The following TECPR1 variants were observed in gnomAD, a reference collection of about 807,000 sequenced individuals.
TECPR1 encodes tectonin beta-propeller repeat-containing protein 1.
In TECPR1, 122 loss-of-function variants were observed where a neutral mutation model predicts 162.4. That is an observed-to-expected ratio of 0.75 (90% CI 0.65 to 0.87). The LOEUF (loss-of-function observed/expected upper bound fraction) is 0.87. Ranked by LOEUF, TECPR1 falls within the 40% of genes least tolerant of loss-of-function variation. The pLI, the probability that TECPR1 is intolerant of heterozygous loss-of-function variation, is 0.00. For synonymous variants in TECPR1, 642 were observed against 670.6 expected (o/e 0.96, Z 0.66); for missense variants, 1,432 against 1,618.2 (o/e 0.88, Z 1.97).
At chr7:98,227,401 AAAAAG>A (rs1798304619) in intron 17 of TECPR1, among the ~76,000 whole-genome samples, 1 of 151,754 alleles carries the variant, frequency 6.6e-6, no homozygotes, top group African/African-American at 2.4e-5. Flanking sequence ...CAAAAAAAAA[AAAAAG>A]AAAAAGAAAA....
intron 16 of TECPR1, 109 bp downstream of exon 16, chr7:98,228,930 C>T (rs117093858): frequency 1.7e-5 from 24 of 1,419,506 alleles, no homozygotes; most frequent in Middle Eastern, 2.6e-4. Context: ...AGCTGTTAGC[C>T]GAGTGTGAAC....
chr7:98,233,239 C>T lies in TECPR1; in HGVS notation c.1672+182G>A, dbSNP rs150116420. ...CCGTGCTTCCAGGTCCTGACAGCCT[C>T]GGGCTGGTCTCTGGAGGCCACAGAG... On this transcript the variant is annotated intron_variant, in intron 11 of 25. Transcript: ENST00000447648. 8.3e-4 allele frequency: 769 copies of T among 921,824 alleles called. 3 individuals carry two copies. The African/African-American group carries it at 0.011, about 14-fold the overall frequency. The allele number at this position is 921,824 out of a possible 1,614,324, so 57.1% of individuals were successfully genotyped here.
chr7:98,236,905 C>CCG lies in TECPR1; in HGVS notation c.1051_1052insCG (p.Cys351SerfsTer54). On this transcript the variant is annotated frameshift_variant, in exon 10 of 26. Transcript: ENST00000447648. LOFTEE classifies it high-confidence loss of function. ...CCGGAAGTACACGGCTCGGTCCTCA[C>CCG]AGCCAATGCCCCACACCTGGAAGAG... The CCG allele has an allele frequency of 1.3e-6, 2 of 1,565,314 alleles. No individual in the cohort carries two copies. The highest frequency in any genetic ancestry group is 1.7e-6 in the Non-Finnish European group (2 of 1,155,528).
intron 21 of TECPR1, 34 bp downstream of exon 21, chr7:98,222,956 T>C: frequency 6.2e-7 from 1 of 1,606,566 alleles, no homozygotes; most frequent in Non-Finnish European, 8.5e-7. Context: ...AAAGGTCTCA[T>C]TTCAAGAAGA....
chr7:98,231,365 G>A lies in TECPR1; in HGVS notation c.1983C>T (p.His661=), dbSNP rs767530547. 8 of 1,602,170 alleles carry A rather than the reference G, an allele frequency of 5.0e-6. No individual in the cohort carries two copies. The highest frequency in any genetic ancestry group is 6.8e-6 in the Non-Finnish European group (8 of 1,174,662). ...YVVHEEKKYI[H]IFLNEVVALV... is the part of the protein sequence containing the mutation. Reference sequence around the variant, plus strand: ...GCGCCACCACCTCATTCAGGAATATGTGGATGTACTGTTCACAGAACAGGC... The same window carrying A: ...GCGCCACCACCTCATTCAGGAATATATGGATGTACTGTTCACAGAACAGGC... The change falls in exon 14 of 26, where the codon CAC becomes CAT. Residue 661 remains histidine, a synonymous_variant. Transcript: ENST00000447648.
chr7:98,250,716 G>T (rs1279235845), intron 2 of TECPR1, among the ~76,000 whole-genome samples: 1 of 152,172 alleles, frequency 6.6e-6, no homozygotes, highest in Non-Finnish European at 1.5e-5. Flanking sequence ...AAGCAGTTTA[G>T]CTAGACTCAG....
In TECPR1 at chr7:98,222,535, G is replaced by A. The variant is rs567882496; in HGVS notation, c.2929-14C>T. ...CCAGGAGGAGCCCTGGGGATAGCAA[G>A]GAGGGGCGCTGAGGTCACCAGGGCC... On this transcript the variant is annotated splice_polypyrimidine_tract_variant and intron_variant, in intron 21 of 25. Coordinates refer to ENST00000447648, the MANE Select transcript of TECPR1 (RefSeq NM_015395.3). The A allele has an allele frequency of 1.3e-6, 2 of 1,564,676 alleles. No homozygotes were observed. Among genetic ancestry groups the A allele is most frequent in the East Asian group, 2.4e-5 (1 of 42,206 alleles).
chr7:98,218,288 C>T (rs1798066351), intron 23 of TECPR1, among the ~76,000 whole-genome samples: 1 of 152,208 alleles, frequency 6.6e-6, no homozygotes, highest in Non-Finnish European at 1.5e-5. Context: ...GCCTCATAAT[C>T]GCCCTATTGT....
Position 98,241,380 on chromosome 7 carries a change from C to G in TECPR1, c.658-136G>C, listed in dbSNP as rs1245562759. 2.0e-6 allele frequency: 2 copies of G among 1,002,520 alleles called. No individual in the cohort carries two copies. Among genetic ancestry groups the G allele is most frequent in the African/African-American group, 3.3e-5 (2 of 61,398 alleles). The allele number at this position is 1,002,520 out of a possible 1,614,324, so 62.1% of individuals were successfully genotyped here. A position where few individuals can be genotyped will look rare whatever the true frequency, so the allele number is the denominator to read the frequency against. On this transcript the variant is annotated intron_variant, in intron 6 of 25. Coordinates refer to ENST00000447648, the MANE Select transcript of TECPR1 (RefSeq NM_015395.3). The surrounding 1 kb of genome is among the most constrained non-coding windows in gnomAD (Gnocchi z 5.0). ...CTCACTCCCTGCCCCCTACCCCGGCCAAAAAACGCAAACCCTGGATTCCGG... is the reference window on the plus strand; with the variant it reads ...CTCACTCCCTGCCCCCTACCCCGGCGAAAAAACGCAAACCCTGGATTCCGG...
rs1408233095 is a variant in TECPR1 at position 98,241,198 on chromosome 7, G to A, written c.704C>T (p.Ser235Phe). ...CCCGGGGGTGTCCAGCAGGGACCAG[G>A]AGGACCCTTCGGGGTTGGAGTGGCT... The part of the protein sequence containing the change: ...DVSHSNPEGS[S>F]WSLLDTPGEV... Residue 235 changes from serine to phenylalanine, a missense_variant, in exon 7 of 26, where the codon TCC (serine) becomes TTC (phenylalanine). Physicochemically the swap from Ser to Phe is radical, Grantham distance 155 (BLOSUM62 -2). Coordinates refer to ENST00000447648, the MANE Select transcript of TECPR1 (RefSeq NM_015395.3). The surrounding 1 kb of genome is among the most constrained non-coding windows in gnomAD (Gnocchi z 5.0). 1 of 1,612,892 alleles carries A rather than the reference G, an allele frequency of 6.2e-7. No individual in the cohort carries two copies. Among genetic ancestry groups the A allele is most frequent in the African/African-American group, 1.3e-5 (1 of 75,060 alleles).
At chr7:98,228,874 A>ACCATC (rs1289777958) in intron 16 of TECPR1, 165 bp downstream of exon 16, 1 of 1,022,590 alleles carries the variant, frequency 9.8e-7, no homozygotes. Context: ...ACTGGCAGGG[A>ACCATC]CCATCCTGGG....
chr7:98,235,843 A>C (rs958230876), intron 10 of TECPR1, among the ~76,000 whole-genome samples: 3 of 99,740 alleles, frequency 3.0e-5, no homozygotes, highest in South Asian at 3.2e-4. Context: ...AAAAAAAAAA[A>C]AAAAAAAACA....
Position 98,230,955 on chromosome 7 carries a change from A to AC in TECPR1, c.2282+5dup, listed in dbSNP as rs1266441867. The AC allele has an allele frequency of 6.2e-7, 1 of 1,609,466 alleles. No homozygotes were observed. Among genetic ancestry groups the AC allele is most frequent in the Non-Finnish European group, 8.5e-7 (1 of 1,178,298 alleles). On this transcript the variant is annotated splice_donor_region_variant and intron_variant, in intron 15 of 25. Transcript: ENST00000447648. The stretch of plus-strand genomic sequence containing the variant: ...CCAGACCCCACCCAGAGTGCGGCTC[A>AC]CTCACATCTGGTCGCAGGGCAGGGG...
rs1382896971 is a variant in TECPR1, at chr7:98,232,796, A to C, written c.1818+31T>G. The C allele has an allele frequency of 6.6e-7, 1 of 1,510,672 alleles. No individual in the cohort carries two copies. Among genetic ancestry groups the C allele is most frequent in the Non-Finnish European group, 8.8e-7 (1 of 1,131,268 alleles). The allele number at this position is 1,510,672 out of a possible 1,614,324, so 93.6% of individuals were successfully genotyped here. A position where few individuals can be genotyped will look rare whatever the true frequency, so the allele number is the denominator to read the frequency against. ...ATGAATGATTGCTGGAAAAAAAAAA[A>C]AAATGCATGCGCAGCCACCGGGGCA... On this transcript the variant is annotated intron_variant, in intron 12 of 25. Coordinates refer to ENST00000447648, the MANE Select transcript of TECPR1 (RefSeq NM_015395.3). This position sits in a 1 kb window ranked among gnomAD's most constrained non-coding sequence, Gnocchi z 4.6.
chr7:98,217,814 G>C lies in TECPR1; in HGVS notation c.3265-3C>G. Reference sequence around the variant, plus strand: ...ACTTTGTTGGCGATCACCCAGACCTGGAGCACAGACCCCATGAAGCCCTCA... The same window carrying C: ...ACTTTGTTGGCGATCACCCAGACCTCGAGCACAGACCCCATGAAGCCCTCA... On this transcript the variant is annotated splice_polypyrimidine_tract_variant and splice_region_variant and intron_variant, in intron 24 of 25. Transcript: ENST00000447648. The C allele has an allele frequency of 6.5e-7, 1 of 1,549,784 alleles. No homozygotes were observed. The highest frequency in any genetic ancestry group is 2.4e-5 in the East Asian group (1 of 40,870).
intron 21 of TECPR1, 137 bp from the exon 22 acceptor site, chr7:98,222,658 C>A: frequency 9.1e-7 from 1 of 1,096,374 alleles, no homozygotes; most frequent in African/African-American, 1.6e-5. Flanking sequence ...CACAGCCCCA[C>A]CCGGCCTGAT....
intron 13 of TECPR1, 173 bp downstream of exon 13, chr7:98,231,631 C>G (rs1446229071): frequency 1.7e-5 from 14 of 809,230 alleles, no homozygotes; most frequent in Middle Eastern, 3.7e-4. Flanking sequence ...CCCCCTTCCC[C>G]GGGCACCCCC....
chr7:98,223,728 GGAA>G lies in TECPR1; in HGVS notation c.2691-13_2691-11del, dbSNP rs775338774. 11 of 1,613,682 alleles carry G rather than the reference GGAA, an allele frequency of 6.8e-6. No homozygotes were observed. The highest frequency in any genetic ancestry group is 8.5e-6 in the Non-Finnish European group (10 of 1,179,748). On this transcript the variant is annotated splice_polypyrimidine_tract_variant and intron_variant, in intron 19 of 25. Coordinates refer to ENST00000447648, the MANE Select transcript of TECPR1 (RefSeq NM_015395.3). ...GGACCCATGGTATGAGCTGCAAGGAGGAAGAAGATGAAATCAGGGCCACTTCGT... is the reference window on the plus strand; with the variant it reads ...GGACCCATGGTATGAGCTGCAAGGAGGAAGATGAAATCAGGGCCACTTCGT...
chr7:98,222,630 G>A, intron 21 of TECPR1, 109 bp from the exon 22 acceptor site: 1 of 1,324,934 alleles, frequency 7.5e-7, no homozygotes, highest in Non-Finnish European at 1.0e-6. Flanking sequence ...TAGGTGGCTG[G>A]GGGACAGCCG....
Sources: gnomAD v4.1 joint callset for allele counts (sites outside exome capture counted in the v4.1 genomes callset) on GRCh38, gnomAD v4.1.1 for gene constraint, Gnocchi (gnomAD v3.1) non-coding constraint, MANE v1.5 for transcripts, NCBI Gene and HGNC (gene_info 2026-07-23, HGNC 2026-07-21) for gene names.